The following SLC15A1 variants were observed in gnomAD, a reference collection of about 807,000 sequenced individuals.
SLC15A1 encodes the protein Caco-2 oligopeptide transporter.
In SLC15A1, 83 loss-of-function variants were observed where a neutral mutation model predicts 92.9. The observed-to-expected ratio is 0.89, with a 90% CI of 0.75 to 1.07. The LOEUF is 1.07. Ranked by LOEUF, SLC15A1 falls within the 50% of genes least tolerant of loss-of-function variation. The probability of loss-of-function intolerance (pLI) is 0.00; values close to 1 mark genes in which losing one functional copy is unlikely to be tolerated. For synonymous variants in SLC15A1, 322 were observed against 318.2 expected (o/e 1.01, Z -0.13); for missense variants, 857 against 880.1 (o/e 0.97, Z 0.33).
At chr13:98,729,648 C>A (rs1472017787) in intron 1 of SLC15A1, among the ~76,000 whole-genome samples, 1 of 152,246 alleles carries the variant, frequency 6.6e-6, no homozygotes, top group East Asian at 1.9e-4. Context: ...CTCCATCTCC[C>A]ACATCGTTTC....
intron 4 of SLC15A1, among the ~76,000 whole-genome samples, chr13:98,725,861 G>T (rs187749339): frequency 6.6e-6 from 1 of 152,222 alleles, no homozygotes; most frequent in East Asian, 1.9e-4. Flanking sequence ...AGCTAGCTGG[G>T]GCCACAGGTG....
At chr13:98,745,889 C>G (rs1319715677) in intron 1 of SLC15A1, among the ~76,000 whole-genome samples, 1 of 151,272 alleles carries the variant, frequency 6.6e-6, no homozygotes, top group African/African-American at 2.4e-5. Flanking sequence ...ACCATTTTAA[C>G]TTCGATTTTA....
chr13:98,739,413 T>C (rs1466090818), intron 1 of SLC15A1, among the ~76,000 whole-genome samples: 1 of 152,216 alleles, frequency 6.6e-6, no homozygotes, highest in African/African-American at 2.4e-5. Context: ...TATTGAAATA[T>C]AATGCTCAAT....
intron 1 of SLC15A1, among the ~76,000 whole-genome samples, chr13:98,740,015 A>G (rs2088430535): frequency 6.6e-6 from 1 of 152,160 alleles, no homozygotes; most frequent in Non-Finnish European, 1.5e-5. Context: ...ACATTGACCC[A>G]AAGTAGAAGT....
At chr13:98,742,524 G>T (rs756663793) in intron 1 of SLC15A1, among the ~76,000 whole-genome samples, 1 of 152,260 alleles carries the variant, frequency 6.6e-6, no homozygotes, top group South Asian at 2.1e-4. Context: ...CTCAAACCGC[G>T]TGGCTTACAA....
intron 1 of SLC15A1, among the ~76,000 whole-genome samples, chr13:98,738,125 C>A (rs2088409577): frequency 6.6e-6 from 1 of 152,126 alleles, no homozygotes; most frequent in East Asian, 1.9e-4. Flanking sequence ...CAAGATGTGA[C>A]CTGGCTGCTT....
chr13:98,732,548 CCTA>C (rs1374834821), intron 1 of SLC15A1, among the ~76,000 whole-genome samples: 2 of 152,110 alleles, frequency 1.3e-5, no homozygotes, highest in Non-Finnish European at 2.9e-5. Context: ...ATGAATATTT[CCTA>C]CTATTTATAT....
At position 98,711,875 on chromosome 13, in the gene SLC15A1, G is replaced by T. The variant is rs1341492486; in HGVS notation, c.879C>A (p.Phe293Leu). The T allele has an allele frequency of 6.2e-7, 1 of 1,613,684 alleles. No homozygotes were observed. Reference protein sequence around the residue: ...VMFLYIPLPMFWALFDQQGSR... With the variant: ...VMFLYIPLPMLWALFDQQGSR... ...TTACCTGCTGGTCAAACAAGGCCCA[G>T]AACATTGGGAGTGGAATATACAGGA... Residue 293 changes from phenylalanine (F) to leucine (L), a missense_variant, in exon 11 of 23, where the codon TTC becomes TTA. Phe to Leu is a conservative substitution (Grantham distance 22). Coordinates refer to ENST00000376503, the MANE Select transcript of SLC15A1 (RefSeq NM_005073.4).
At chr13:98,696,492 C>G (rs577897201) in intron 18 of SLC15A1, among the ~76,000 whole-genome samples, 23 of 152,100 alleles carry the variant, frequency 1.5e-4, no homozygotes, top group African/African-American at 4.3e-4. Flanking sequence ...AAAGGATCCC[C>G]CAATATCAAT....
intron 8 of SLC15A1, among the ~76,000 whole-genome samples, chr13:98,716,346 G>A (rs1235790191): frequency 6.6e-6 from 1 of 152,174 alleles, no homozygotes; most frequent in Non-Finnish European, 1.5e-5. Flanking sequence ...ATGGGGCCAG[G>A]CGCGGTGGCT....
At chr13:98,744,748 CAAAAAAAAAAAAAAA>C (rs5806073) in intron 1 of SLC15A1, among the ~76,000 whole-genome samples, 1 of 82,414 alleles carries the variant, frequency 1.2e-5, no homozygotes, top group African/African-American at 4.6e-5. Flanking sequence ...GATTCCATCT[CAAAAAAAAAAAAAAA>C]AAAAAAAAAG....
chr13:98,747,768 C>G (rs577485695), intron 1 of SLC15A1, among the ~76,000 whole-genome samples: 1 of 152,230 alleles, frequency 6.6e-6, no homozygotes, highest in African/African-American at 2.4e-5. Flanking sequence ...GTGATCCCAG[C>G]TACTCTGGAG....
Position 98,712,681 on chromosome 13 carries a change from G to A in SLC15A1, c.724-97C>T, listed in dbSNP as rs552409430. 9.4e-5 allele frequency: 80 copies of A among 850,930 alleles called. No individual in the cohort carries two copies. The highest frequency in any genetic ancestry group is 7.6e-4 in the African/African-American group (45 of 59,416). The allele number at this position is 850,930 out of a possible 1,614,324, so 52.7% of individuals were successfully genotyped here. ...AACTACCTTTAGGAGAAAAATATAC[G>A]TGTGAGAAAAGCAAAATATACAATT... On this transcript the variant is annotated intron_variant, in intron 9 of 22. Transcript: ENST00000376503.
At chr13:98,732,951 T>G (rs2088362207) in intron 1 of SLC15A1, among the ~76,000 whole-genome samples, 1 of 152,128 alleles carries the variant, frequency 6.6e-6, no homozygotes, top group Admixed American at 6.6e-5. Context: ...CAGATGTGAT[T>G]AAGTTAGGGG....
chr13:98,729,540 C>A (rs1001915249), intron 1 of SLC15A1, among the ~76,000 whole-genome samples: 1 of 152,200 alleles, frequency 6.6e-6, no homozygotes, highest in African/African-American at 2.4e-5. Flanking sequence ...TTATCACTTC[C>A]CTGGTTCCAA....
At chr13:98,716,742 G>A (rs1417845081) in intron 8 of SLC15A1, among the ~76,000 whole-genome samples, 1 of 152,180 alleles carries the variant, frequency 6.6e-6, no homozygotes, top group African/African-American at 2.4e-5. Context: ...ATATGTGGCA[G>A]AAATTTTTTC....
chr13:98,703,188 G>A (rs1218519418), intron 17 of SLC15A1, among the ~76,000 whole-genome samples: 2 of 144,226 alleles, frequency 1.4e-5, no homozygotes, highest in Non-Finnish European at 3.0e-5. Flanking sequence ...AAGGGAGGGA[G>A]GGAGGGAGGG....
At chr13:98,747,499 G>T (rs2139615796) in intron 1 of SLC15A1, among the ~76,000 whole-genome samples, 1 of 152,246 alleles carries the variant, frequency 6.6e-6, no homozygotes, top group East Asian at 1.9e-4. Context: ...GAGGATTCCT[G>T]GTAGCTCAAC....
chr13:98,744,365 C>A (rs1386113671), intron 1 of SLC15A1, among the ~76,000 whole-genome samples: 1 of 144,418 alleles, frequency 6.9e-6, no homozygotes. Context: ...AATGGTAAAT[C>A]ATGACTAGAA....
Sources: gnomAD v4.1 joint callset for allele counts (sites outside exome capture counted in the v4.1 genomes callset) on GRCh38, gnomAD v4.1.1 for gene constraint, MANE v1.5 for transcripts, NCBI Gene and HGNC (gene_info 2026-07-23, HGNC 2026-07-21) for gene names.